The following AMD1 variants were observed in gnomAD, a reference collection of about 807,000 sequenced individuals.
AMD1 encodes the protein S-adenosylmethionine decarboxylase proenzyme.
In AMD1, 11 loss-of-function variants were observed where a neutral mutation model predicts 40.2. The ratio of observed to expected loss-of-function variants is 0.27; its 90% CI spans 0.17 to 0.45. The LOEUF (loss-of-function observed/expected upper bound fraction) is 0.45, where lower values mean the gene tolerates loss of function less well. Ranked by LOEUF, AMD1 falls within the 20% of genes least tolerant of loss-of-function variation. The pLI, the probability that AMD1 is intolerant of heterozygous loss-of-function variation, is 1.00. For synonymous variants in AMD1, 121 were observed against 130.8 expected (o/e 0.93, Z 0.51); for missense variants, 257 against 410.2 (o/e 0.63, Z 3.23).
the AMD1 span, among the ~76,000 whole-genome samples, chr6:110,854,725 G>A: frequency 1.3e-5 from 2 of 151,888 alleles, no homozygotes; most frequent in South Asian, 4.2e-4. Flanking sequence ...TAGGATTACA[G>A]GAGTGAGCCA....
At chr6:110,829,369 CA>C in the AMD1 span, among the ~76,000 whole-genome samples, 2,552 of 131,996 alleles carry the variant, frequency 0.019, 24 homozygotes, top group Non-Finnish European at 0.026. Flanking sequence ...CTATCTCTAC[CA>C]AAAAAAAAAA....
chr6:110,861,155 G>A, the AMD1 span, among the ~76,000 whole-genome samples: 51 of 152,124 alleles, frequency 3.4e-4, no homozygotes, highest in African/African-American at 1.1e-3. Flanking sequence ...TCAGGAGATC[G>A]AGACCATCCT....
At chr6:110,868,468 C>T in the AMD1 span, among the ~76,000 whole-genome samples, 1 of 151,912 alleles carries the variant, frequency 6.6e-6, no homozygotes, top group African/African-American at 2.4e-5. Flanking sequence ...TATTTTTAAT[C>T]TTATATCTGC....
At chr6:110,862,163 C>A in the AMD1 span, among the ~76,000 whole-genome samples, 8 of 151,398 alleles carry the variant, frequency 5.3e-5, no homozygotes, top group African/African-American at 1.9e-4. Flanking sequence ...CAGGTGCCAC[C>A]ATACTTCGCT....
the AMD1 span, among the ~76,000 whole-genome samples, chr6:110,852,216 T>A: frequency 1.2e-5 from 1 of 85,386 alleles, no homozygotes; most frequent in East Asian, 5.7e-4. Flanking sequence ...TTTTTTTTTT[T>A]TTTTTTTTTT....
At chr6:110,832,884 G>A in the AMD1 span, among the ~76,000 whole-genome samples, 1 of 152,088 alleles carries the variant, frequency 6.6e-6, no homozygotes, top group Non-Finnish European at 1.5e-5. Flanking sequence ...GCAGTGGCAC[G>A]ATGTCGGCTC....
At chr6:110,885,414 AGTTTTTGTT>A (rs962831521) in intron 1 of AMD1, among the ~76,000 whole-genome samples, 8 of 45,224 alleles carry the variant, frequency 1.8e-4, no homozygotes, top group African/African-American at 7.0e-4. Flanking sequence ...TGCCTGGCCA[AGTTTTTGTT>A]GTTTTTGTTT....
intron 1 of AMD1, among the ~76,000 whole-genome samples, chr6:110,883,614 CAG>C (rs779952416): frequency 2.3e-4 from 35 of 152,306 alleles, no homozygotes; most frequent in African/African-American, 6.7e-4. Flanking sequence ...GTTTTTGAGA[CAG>C]AGTCTTGCTC....
At chr6:110,890,680 G>A (rs1785965134) in intron 4 of AMD1, 1 of 172,066 alleles carries the variant, frequency 5.8e-6, no homozygotes, top group Non-Finnish European at 1.2e-5. Context: ...GTAAAGACAA[G>A]GTTTTGCCAT....
At chr6:110,840,437 G>T in the AMD1 span, among the ~76,000 whole-genome samples, 8 of 151,884 alleles carry the variant, frequency 5.3e-5, no homozygotes, top group African/African-American at 1.9e-4. Flanking sequence ...CCACTCTTTG[G>T]GTTCAATGAA....
At chr6:110,835,683 T>C in the AMD1 span, among the ~76,000 whole-genome samples, 1 of 151,896 alleles carries the variant, frequency 6.6e-6, no homozygotes, top group African/African-American at 2.4e-5. Flanking sequence ...CTGGCCAACA[T>C]GGTGAAATTA....
At position 110,892,727 on chromosome 6, in the gene AMD1, C is replaced by CCG; in HGVS notation, c.616-7_616-6insGC. ...CCCTTGTTAAACTCGGTCTTTTTCC[C>CCG]CCCCCAGGAGAGTGGAATTCGTGAC... is the stretch of plus-strand genomic sequence containing the variant. On this transcript the variant is annotated splice_region_variant and splice_polypyrimidine_tract_variant and intron_variant, in intron 6 of 8. Coordinates refer to ENST00000368885, the MANE Select transcript of AMD1 (RefSeq NM_001634.6). 1.9e-6 allele frequency: 3 copies of CCG among 1,606,980 alleles called. No homozygotes were observed. Among genetic ancestry groups the CCG allele is most frequent in the Non-Finnish European group, 2.6e-6 (3 of 1,175,370 alleles).
At chr6:110,870,177 T>C (rs756580848), upstream of AMD1, among the ~76,000 whole-genome samples, 1 of 152,240 alleles carries the variant, frequency 6.6e-6, no homozygotes, top group Admixed American at 6.5e-5. Flanking sequence ...ACCCTGATTG[T>C]AGTTTGCCAA....
chr6:110,890,998 T>G (rs1027375236), intron 4 of AMD1: 1 of 152,226 alleles, frequency 6.6e-6, no homozygotes, highest in Non-Finnish European at 1.5e-5. Flanking sequence ...AATTTTAAAA[T>G]GTAGAATTGA....
chr6:110,833,247 A>G, the AMD1 span, among the ~76,000 whole-genome samples: 1 of 152,208 alleles, frequency 6.6e-6, no homozygotes, highest in East Asian at 1.9e-4. Flanking sequence ...ATAATTTGTG[A>G]AATAAAAGAA....
At chr6:110,876,145 C>T (rs932375963) in intron 1 of AMD1, among the ~76,000 whole-genome samples, 8 of 152,194 alleles carry the variant, frequency 5.3e-5, no homozygotes, top group African/African-American at 1.7e-4. Context: ...TTGGGCTGAC[C>T]GCGCCGAAGA....
chr6:110,866,125 TAA>T, the AMD1 span, among the ~76,000 whole-genome samples: 1 of 152,204 alleles, frequency 6.6e-6, no homozygotes, highest in Admixed American at 6.5e-5. Flanking sequence ...ATTTTAATTT[TAA>T]GTTTTATTAA....
chr6:110,891,123 G>C (rs1489029256), intron 4 of AMD1: 1 of 152,138 alleles, frequency 6.6e-6, no homozygotes, highest in Non-Finnish European at 1.5e-5. Flanking sequence ...TTTGAGACAA[G>C]TTTCACTTTG....
chr6:110,853,700 C>T, the AMD1 span, among the ~76,000 whole-genome samples: 6 of 152,178 alleles, frequency 3.9e-5, no homozygotes, highest in East Asian at 1.2e-3. Context: ...CTCAGCCTCC[C>T]AAAGTGCTCA....
Sources: gnomAD v4.1 joint callset for allele counts (sites outside exome capture counted in the v4.1 genomes callset) on GRCh38, gnomAD v4.1.1 for gene constraint, MANE v1.5 for transcripts, NCBI Gene and HGNC (gene_info 2026-07-23, HGNC 2026-07-21) for gene names.